MS4A15: variants seen among roughly 807,000 people sequenced by gnomAD.
MS4A15 encodes the protein membrane spanning 4-domains A15.
MS4A15 carries 22 observed loss-of-function variants against 20.6 expected under a neutral mutation model. That is an observed-to-expected ratio of 1.07 (90% confidence interval 0.76 to 1.52). The LOEUF (loss-of-function observed/expected upper bound fraction) is 1.52, where lower values mean the gene tolerates loss of function less well. MS4A15 is among the 40% of genes most tolerant of loss of function. The probability of loss-of-function intolerance (pLI) is 0.00; values close to 1 mark genes in which losing one functional copy is unlikely to be tolerated. For missense variants in MS4A15, 312 were observed against 323.0 expected (o/e 0.97, Z 0.26); for synonymous variants, 129 against 129.3 (o/e 1.00, Z 0.02).
intron 2 of MS4A15, 129 bp downstream of exon 2, chr11:60,764,087 TGCACCAGGTAGACAA>T: frequency 1.2e-6 from 1 of 842,354 alleles, no homozygotes; most frequent in South Asian, 1.8e-5. Flanking sequence ...GATTCAGCCA[TGCACCAGGTAGACAA>T]GCACCCTTCC....
In MS4A15 at chr11:60,763,968, G is replaced by A. The variant is rs1853818307; in HGVS notation, c.225+10G>A. On this transcript the variant is annotated intron_variant, in intron 2 of 6. Coordinates refer to ENST00000405633, the MANE Select transcript of MS4A15 (RefSeq NM_001098835.2). ...GCCCAAAGTTTTGGGGGTAAGAACA[G>A]CCTCTCTGCACAACCTGAGGCAGGT... 6.2e-7 allele frequency: 1 copy of A among 1,606,536 alleles called. No individual in the cohort carries two copies. Among genetic ancestry groups the A allele is most frequent in the Non-Finnish European group, 8.5e-7 (1 of 1,176,606 alleles).
At chr11:60,775,469 C>T in intron 6 of MS4A15, 136 bp from the exon 7 acceptor site, 1 of 681,434 alleles carries the variant, frequency 1.5e-6, no homozygotes, top group Non-Finnish European at 2.6e-6. Context: ...GCACGGAGAG[C>T]CCTGAGCATG....
At chr11:60,765,018 G>A (rs961991257) in intron 2 of MS4A15, among the ~76,000 whole-genome samples, 3 of 152,208 alleles carry the variant, frequency 2.0e-5, no homozygotes, top group African/African-American at 7.2e-5. Flanking sequence ...GAGGTTCAGA[G>A]AGCTCCATCC....
chr11:60,769,984 C>T (rs1443137918), intron 3 of MS4A15, among the ~76,000 whole-genome samples: 1 of 152,202 alleles, frequency 6.6e-6, no homozygotes, highest in African/African-American at 2.4e-5. Context: ...GTGCCCCCTG[C>T]AAATTGCAGA....
chr11:60,764,017 A>G, intron 2 of MS4A15, 59 bp downstream of exon 2: 2 of 1,465,204 alleles, frequency 1.4e-6, no homozygotes, highest in Non-Finnish European at 1.9e-6. Flanking sequence ...GCACCGGAAC[A>G]TTCATGCATG....
In MS4A15 at chr11:60,775,710, G is replaced by A. The variant is rs113906346; in HGVS notation, c.718G>A (p.Val240Ile). Residue 240 changes from valine to isoleucine, a missense_variant, in exon 7 of 7, where the codon GTC becomes ATC. By Grantham distance (29) the Val-to-Ile change is conservative. Transcript: ENST00000405633. ...YDNVAYAQGV[V>I] Reference sequence around the variant, plus strand: ...CAATGTGGCATATGCCCAAGGAGTCGTCTGAGTAGCAGATGTGGCACCTGC... The same window carrying A: ...CAATGTGGCATATGCCCAAGGAGTCATCTGAGTAGCAGATGTGGCACCTGC... 3 of 1,612,700 alleles carry A rather than the reference G, an allele frequency of 1.9e-6. No individual in the cohort carries two copies. Among genetic ancestry groups the A allele is most frequent in the Non-Finnish European group, 1.7e-6 (2 of 1,179,140 alleles).
At position 60,773,886 on chromosome 11, in the gene MS4A15, A is replaced by T. The variant is rs1854111805; in HGVS notation, c.548A>T (p.Glu183Val). Reference sequence around the variant, plus strand: ...GTGCTTACTATCTTCACTGTCCTGGAGTTCTTCACAGCGGTCATTGCCATG... The same window carrying T: ...GTGCTTACTATCTTCACTGTCCTGGTGTTCTTCACAGCGGTCATTGCCATG... ...LAVLTIFTVL[E>V]FFTAVIAMHF... The change falls in exon 6 of 7, where the codon GAG becomes GTG. Residue 183 changes from glutamate to valine, a missense_variant. Physicochemically the swap from Glu to Val is moderately radical, Grantham distance 121 (BLOSUM62 -2). Transcript: ENST00000405633. 3.1e-6 allele frequency: 5 copies of T among 1,614,024 alleles called. No individual in the cohort carries two copies. In the South Asian group the frequency reaches 5.5e-5, roughly 18 times the overall value.
intron 4 of MS4A15, 28 bp downstream of exon 4, chr11:60,771,375 C>G (rs372530512): frequency 2.9e-5 from 46 of 1,613,436 alleles, no homozygotes; most frequent in Non-Finnish European, 3.7e-5. Flanking sequence ...GACCCAGGGG[C>G]GGGGATGAAG....
At chr11:60,759,287 AG>A (rs2134697201) in intron 1 of MS4A15, among the ~76,000 whole-genome samples, 1 of 152,356 alleles carries the variant, frequency 6.6e-6, no homozygotes, top group Non-Finnish European at 1.5e-5. Context: ...TCAAGGTTTA[AG>A]GGATTTAGGG....
rs12286817 is a variant in MS4A15, at chr11:60,774,928, C to T, written c.613-677C>T. Among the ~76,000 whole-genome samples the T allele has an allele frequency of 3.3e-4, 50 of 152,186 alleles. No homozygotes were observed. The South Asian group carries it at 8.1e-3, about 25-fold the overall frequency. On this transcript the variant is annotated intron_variant, in intron 6 of 6. Transcript: ENST00000405633. ...CCGGAAGGTGGAGAGGGTGGACAAG[C>T]GGGGCTCGAGGCCAGGAAGCTGCAA...
chr11:60,775,461 A>T, intron 6 of MS4A15, 144 bp from the exon 7 acceptor site: 1 of 642,930 alleles, frequency 1.6e-6, no homozygotes. Flanking sequence ...TATTGGTTGC[A>T]CGGAGAGCCC....
chr11:60,764,090 A>G (rs1487248097), intron 2 of MS4A15, 132 bp downstream of exon 2: 2 of 813,252 alleles, frequency 2.5e-6, no homozygotes, highest in Non-Finnish European at 3.8e-6. Context: ...TCAGCCATGC[A>G]CCAGGTAGAC....
chr11:60,756,973 A>G lies in MS4A15; in HGVS notation c.-114A>G, dbSNP rs1216096867. ...TCATTCTTGGCGTTCACTGCAAGCT[A>G]TAAGCTCTGCAAGTGGTGACCCCGA... On this transcript the variant is annotated 5_prime_UTR_variant, in exon 1 of 7. Transcript: ENST00000405633. 2 of 151,922 alleles carry G rather than the reference A, an allele frequency of 1.3e-5. No individual in the cohort carries two copies. Among genetic ancestry groups the G allele is most frequent in the Non-Finnish European group, 2.9e-5 (2 of 68,008 alleles). The allele number at this position is 151,922 out of a possible 1,614,324, so 9.4% of individuals were successfully genotyped here.
rs963575704 is a variant in MS4A15 at position 60,774,102 on chromosome 11, C to A, written c.612+152C>A. On this transcript the variant is annotated intron_variant, in intron 6 of 6. Coordinates refer to ENST00000405633, the MANE Select transcript of MS4A15 (RefSeq NM_001098835.2). ...GACAGCGCTAGGAAGGGTGTCCCAT[C>A]CATGTCAGGGGGCCCAAAGAAGTCT... 2.1e-5 allele frequency: 14 copies of A among 654,536 alleles called. No individual in the cohort carries two copies. In the Admixed American group the frequency reaches 3.1e-4, roughly 15 times the overall value. The allele number at this position is 654,536 out of a possible 1,614,324, so 40.5% of individuals were successfully genotyped here.
At position 60,776,636 on chromosome 11, in the gene MS4A15, G is replaced by A. The variant is rs959961822; in HGVS notation, c.*921G>A. 1 of 152,296 alleles carries A rather than the reference G, an allele frequency of 6.6e-6. No individual in the cohort carries two copies. Among genetic ancestry groups the A allele is most frequent in the East Asian group, 1.9e-4 (1 of 5,196 alleles). The allele number at this position is 152,296 out of a possible 1,614,324, so 9.4% of individuals were successfully genotyped here. A position where few individuals can be genotyped will look rare whatever the true frequency, so the allele number is the denominator to read the frequency against. ...CTGGGCTTCGTCTCCAGGGGACAAG[G>A]AGACACTGTCAGCCTGGTGTTCACC... On this transcript the variant is annotated 3_prime_UTR_variant, in exon 7 of 7. Transcript: ENST00000405633.
chr11:60,774,445 C>T (rs867942996), intron 6 of MS4A15, among the ~76,000 whole-genome samples: 6 of 152,106 alleles, frequency 3.9e-5, no homozygotes, highest in Admixed American at 1.3e-4. Context: ...AAGACGTCTT[C>T]GCAGGTCAGT....
Position 60,775,600 on chromosome 11 carries a change from T to A in MS4A15, c.613-5T>A, listed in dbSNP as rs753894348. ...CCAGGACGCTCAGTGCTGTTTTCTT[T>A]GCAGCCTGTGATCTTCCTGCCAAAC... On this transcript the variant is annotated splice_region_variant and splice_polypyrimidine_tract_variant and intron_variant, in intron 6 of 6. Coordinates refer to ENST00000405633, the MANE Select transcript of MS4A15 (RefSeq NM_001098835.2). 3.7e-6 allele frequency: 6 copies of A among 1,613,380 alleles called. No homozygotes were observed. In the East Asian group the frequency reaches 1.1e-4, roughly 30 times the overall value.
intron 3 of MS4A15, 135 bp downstream of exon 3, chr11:60,767,790 A>C: frequency 9.0e-7 from 1 of 1,113,066 alleles, no homozygotes; most frequent in Non-Finnish European, 1.2e-6. Context: ...TCCTAGAAGA[A>C]CTAGAGTCTA....
intron 4 of MS4A15, among the ~76,000 whole-genome samples, chr11:60,773,074 C>CCA (rs1282008957): frequency 1.3e-5 from 2 of 152,210 alleles, no homozygotes; most frequent in Non-Finnish European, 2.9e-5. Context: ...GGAGAGGGAG[C>CCA]CACAGTACGG....
Sources: allele counts gnomAD v4.1 joint callset (sites outside exome capture counted in the v4.1 genomes callset), GRCh38; gene constraint gnomAD v4.1.1; transcripts MANE v1.5; gene names NCBI Gene and HGNC (gene_info 2026-07-23, HGNC 2026-07-21).